Variants in SORBS2 observed in about 807,000 individuals in gnomAD.
SORBS2 encodes sorbin and SH3 domain containing 2.
In SORBS2, 46 loss-of-function variants were observed where a neutral mutation model predicts 97.7. That is an observed-to-expected ratio of 0.47 (90% CI 0.37 to 0.60). The LOEUF is 0.60. Among genes scored for constraint, SORBS2 ranks in the 20% least tolerant of loss-of-function variants. SORBS2 has a pLI of 0.00. For missense variants in SORBS2, 1,316 were observed against 1,282.3 expected, an observed-to-expected ratio of 1.03 and a Z score of -0.40; for synonymous variants, 476 against 473.4, an observed-to-expected ratio of 1.01 and a Z score of -0.07.
chr4:185,706,857 C>T (rs73873317), intron 2 of SORBS2, among the ~76,000 whole-genome samples: 2,299 of 152,150 alleles, frequency 0.015, 61 homozygotes, highest in African/African-American at 0.052. Flanking sequence ...CACTTGGTCT[C>T]CTATATAATA....
At chr4:185,629,318 G>A (rs2096867851) in intron 5 of SORBS2, among the ~76,000 whole-genome samples, 1 of 152,044 alleles carries the variant, frequency 6.6e-6, no homozygotes, top group East Asian at 1.9e-4. Flanking sequence ...TATTTTAGGT[G>A]CATAGATAGA....
rs115361768 is a variant in SORBS2, at chr4:185,693,602, T to C, written c.-197-14780A>G. 6.8e-3 allele frequency among the ~76,000 whole-genome samples: 1,035 copies of C among 152,324 alleles called. 13 individuals are homozygous for C. Among genetic ancestry groups the C allele is most frequent in the African/African-American group, 0.024 (999 of 41,552 alleles). The stretch of plus-strand genomic sequence containing the variant: ...CCTTTCCCAAATTCGACTTCTTCAT[T>C]CCTTTTGAAACCAGGCAACGCTGTG... On this transcript the variant is annotated intron_variant, in intron 2 of 20. Transcript: ENST00000284776.
chr4:185,623,457 T>TGAGGTGGCG lies in SORBS2; in HGVS notation c.1663_1671dup (p.Arg555_Leu557dup), dbSNP rs752468898. ...GGGCACCTGCCTTTGCAGGAGCTGA[T>TGAGGTGGCG]GAGGTGGCGGTGGTGGTGGTGGTGG... On this transcript the variant is annotated inframe_insertion, in exon 7 of 15. Transcript: ENST00000418609. This position sits in a 1 kb window ranked among gnomAD's most constrained non-coding sequence, Gnocchi z 6.4. 1.2e-6 allele frequency: 2 copies of TGAGGTGGCG among 1,612,444 alleles called. No homozygotes were observed. Among genetic ancestry groups the TGAGGTGGCG allele is most frequent in the South Asian group, 2.2e-5 (2 of 91,066 alleles).
chr4:185,628,615 G>A (rs1186432988), intron 5 of SORBS2, among the ~76,000 whole-genome samples: 1 of 152,174 alleles, frequency 6.6e-6, no homozygotes, highest in African/African-American at 2.4e-5. Context: ...AGCCAGTTGT[G>A]TCATGTGCCT....
At chr4:185,774,538 G>A (rs1449580927) in intron 2 of SORBS2, 1 of 152,118 alleles carries the variant, frequency 6.6e-6, no homozygotes, top group Admixed American at 6.5e-5. Flanking sequence ...CAAGCGTAAC[G>A]AGGGGGAGAG....
At chr4:185,807,202 T>C (rs1179240982) in intron 1 of SORBS2, among the ~76,000 whole-genome samples, 2 of 152,140 alleles carry the variant, frequency 1.3e-5, no homozygotes, top group Admixed American at 6.5e-5. Context: ...TAAATTATAA[T>C]ATGAATATAT....
intron 1 of SORBS2, among the ~76,000 whole-genome samples, chr4:185,851,136 C>T (rs866805432): frequency 7.9e-5 from 12 of 152,260 alleles, no homozygotes; most frequent in African/African-American, 1.4e-4. Context: ...AACATATATT[C>T]TCTGGGGACC....
Position 185,766,760 on chromosome 4 carries a change from C to A in SORBS2, c.-198+8467G>T, listed in dbSNP as rs779884750. Among the ~76,000 whole-genome samples the A allele has an allele frequency of 1.8e-4, 28 of 152,202 alleles. 1 individual carries two copies. The highest frequency in any genetic ancestry group is 3.5e-4 in the Non-Finnish European group (24 of 68,040). On this transcript the variant is annotated intron_variant, in intron 2 of 20. Coordinates refer to the SORBS2 transcript ENST00000284776. ...CACTGAGTTGAGGGCATGTCAAGAT[C>A]TAGCATTAAACCAATTCAGATTTGT...
intron 1 of SORBS2, among the ~76,000 whole-genome samples, chr4:185,953,994 A>G (rs944219690): frequency 6.6e-6 from 1 of 152,178 alleles, no homozygotes; most frequent in Admixed American, 6.5e-5. Context: ...CCATTCCTTA[A>G]GTTAACTCAT....
chr4:185,597,558 T>A (rs1288542507), intron 12 of SORBS2, among the ~76,000 whole-genome samples: 1 of 152,230 alleles, frequency 6.6e-6, no homozygotes, highest in Non-Finnish European at 1.5e-5. Context: ...GTAATTTCGA[T>A]GTGCACGCTA....
At chr4:185,822,469 G>A (rs2099197359) in intron 1 of SORBS2, among the ~76,000 whole-genome samples, 1 of 152,240 alleles carries the variant, frequency 6.6e-6, no homozygotes, top group Non-Finnish European at 1.5e-5. Flanking sequence ...TATTCGGTGA[G>A]TTTTCACAGA....
chr4:185,703,724 A>C (rs1272368390), intron 2 of SORBS2, among the ~76,000 whole-genome samples: 1 of 152,222 alleles, frequency 6.6e-6, no homozygotes, highest in Non-Finnish European at 1.5e-5. Context: ...CAAAAACTTC[A>C]ATCAGCCTGT....
At chr4:185,808,888 C>T (rs909249714) in intron 1 of SORBS2, among the ~76,000 whole-genome samples, 2 of 152,110 alleles carry the variant, frequency 1.3e-5, no homozygotes, top group Admixed American at 6.5e-5. Flanking sequence ...ATTTTCTATA[C>T]ATTTTATAAT....
At chr4:185,727,195 G>A (rs1562148404) in intron 2 of SORBS2, among the ~76,000 whole-genome samples, 1 of 152,294 alleles carries the variant, frequency 6.6e-6, no homozygotes, top group East Asian at 1.9e-4. Context: ...CTACATTGAT[G>A]TGATCAAAAT....
At chr4:185,700,102 T>G (rs1192234788) in intron 2 of SORBS2, among the ~76,000 whole-genome samples, 1 of 152,250 alleles carries the variant, frequency 6.6e-6, no homozygotes, top group Admixed American at 6.5e-5. Context: ...CAGGCTGAAT[T>G]AAATTTGGCT....
At chr4:185,727,846 T>G (rs2098570926) in intron 2 of SORBS2, among the ~76,000 whole-genome samples, 1 of 152,228 alleles carries the variant, frequency 6.6e-6, no homozygotes, top group Non-Finnish European at 1.5e-5. Flanking sequence ...TGATTAATGT[T>G]TGTCCCTGAA....
chr4:185,853,700 T>C (rs2099219186), intron 1 of SORBS2, among the ~76,000 whole-genome samples: 1 of 152,194 alleles, frequency 6.6e-6, no homozygotes, highest in African/African-American at 2.4e-5. Flanking sequence ...ATAAAAGAAA[T>C]GCATAAAATA....
At chr4:185,629,163 G>A (rs980528255) in intron 5 of SORBS2, among the ~76,000 whole-genome samples, 7 of 152,158 alleles carry the variant, frequency 4.6e-5, no homozygotes, top group South Asian at 2.1e-4. Flanking sequence ...GGAAGCAAGC[G>A]GAGAGGCAGA....
intron 1 of SORBS2, among the ~76,000 whole-genome samples, chr4:185,776,078 G>A (rs1006258068): frequency 2.6e-5 from 4 of 152,012 alleles, no homozygotes; most frequent in Non-Finnish European, 5.9e-5. Flanking sequence ...CCTTCATTTT[G>A]TTTCTAGAAA....
Sources: gnomAD v4.1 joint callset for allele counts (sites outside exome capture counted in the v4.1 genomes callset) on GRCh38, gnomAD v4.1.1 for gene constraint, Gnocchi (gnomAD v3.1) non-coding constraint, MANE v1.5 for transcripts, NCBI Gene and HGNC (gene_info 2026-07-23, HGNC 2026-07-21) for gene names.